RCOR2: variants seen among roughly 807,000 people sequenced by gnomAD.
The protein encoded by RCOR2 is REST corepressor 2.
Under a neutral mutation model 58.9 loss-of-function variants are expected in RCOR2, and 19 were observed. The observed-to-expected ratio is 0.32, with a 90% CI of 0.23 to 0.47. The LOEUF is 0.47. Among genes scored for constraint, RCOR2 ranks in the 20% least tolerant of loss-of-function variants. The pLI, the probability that RCOR2 is intolerant of heterozygous loss-of-function variation, is 1.00. For synonymous variants in RCOR2, 286 were observed against 278.7 expected, an observed-to-expected ratio of 1.03 and a Z score of -0.26; for missense variants, 590 against 707.9, an observed-to-expected ratio of 0.83 and a Z score of 1.89.
At chr11:63,925,800 C>CAAAAA in the RCOR2 span, among the ~76,000 whole-genome samples, 1 of 134,352 alleles carries the variant, frequency 7.4e-6, no homozygotes. Context: ...GACCCTGTCT[C>CAAAAA]AAAAAAAAAA....
chr11:63,915,897 G>T (rs958419083), intron 1 of RCOR2, among the ~76,000 whole-genome samples: 2 of 152,188 alleles, frequency 1.3e-5, no homozygotes, highest in Admixed American at 1.3e-4. Flanking sequence ...CGGGGGAGGG[G>T]AGCGGGGTTG....
At position 63,915,624 on chromosome 11, in the gene RCOR2, G is replaced by T. The variant is rs1430350824; in HGVS notation, c.128-13C>A. ...CGGATCATGCTGTCTGTGGAGCCAGGGGGAGGCAGTCAGGACTCCAGGGAG... is the reference window on the plus strand; with the variant it reads ...CGGATCATGCTGTCTGTGGAGCCAGTGGGAGGCAGTCAGGACTCCAGGGAG... On this transcript the variant is annotated splice_polypyrimidine_tract_variant and intron_variant, in intron 1 of 11. Transcript: ENST00000301459. The T allele has an allele frequency of 7.1e-6, 11 of 1,551,888 alleles. No individual in the cohort carries two copies. In the Admixed American group the frequency reaches 1.2e-4, roughly 16 times the overall value.
upstream of RCOR2, among the ~76,000 whole-genome samples, chr11:63,920,473 G>T (rs988816000): frequency 2.0e-5 from 3 of 152,220 alleles, no homozygotes; most frequent in Non-Finnish European, 4.4e-5. Flanking sequence ...AGCGAGCCTG[G>T]CCGCTGTGGT....
At chr11:63,926,385 T>C in the RCOR2 span, among the ~76,000 whole-genome samples, 1 of 152,146 alleles carries the variant, frequency 6.6e-6, no homozygotes, top group Non-Finnish European at 1.5e-5. Flanking sequence ...CAACTGGAAA[T>C]GCCCAGGATG....
chr11:63,915,766 G>A (rs1941848230), intron 1 of RCOR2, among the ~76,000 whole-genome samples, 155 bp from the exon 2 acceptor site: 1 of 152,170 alleles, frequency 6.6e-6, no homozygotes, highest in Non-Finnish European at 1.5e-5. Flanking sequence ...TTGTACCCCA[G>A]TTACCTGCAG....
the RCOR2 span, among the ~76,000 whole-genome samples, chr11:63,925,145 G>A: frequency 6.6e-6 from 1 of 151,948 alleles, no homozygotes; most frequent in Non-Finnish European, 1.5e-5. Flanking sequence ...GAGCCACTGC[G>A]CCCAGCCTCC....
the RCOR2 span, among the ~76,000 whole-genome samples, chr11:63,923,982 C>T: frequency 3.5e-4 from 53 of 152,332 alleles, no homozygotes; most frequent in Non-Finnish European, 6.6e-4. Context: ...GATCTTGGCT[C>T]ACCACAACCT....
At chr11:63,913,349 G>A (rs1941807532) in intron 8 of RCOR2, among the ~76,000 whole-genome samples, 1 of 150,576 alleles carries the variant, frequency 6.6e-6, no homozygotes, top group South Asian at 2.1e-4. Flanking sequence ...ACCACACCTG[G>A]CTAATTTTGT....
chr11:63,925,255 A>G, the RCOR2 span, among the ~76,000 whole-genome samples: 20 of 152,130 alleles, frequency 1.3e-4, no homozygotes, highest in Non-Finnish European at 2.8e-4. Context: ...ATCTCCTTCA[A>G]AATCTGGTCC....
At chr11:63,917,737 C>A (rs1035762305), upstream of RCOR2, among the ~76,000 whole-genome samples, 1 of 152,148 alleles carries the variant, frequency 6.6e-6, no homozygotes, top group African/African-American at 2.4e-5. Context: ...CCTTTAACTG[C>A]TGCAGTATGC....
rs373012221 is a variant in RCOR2 at position 63,915,547 on chromosome 11, C to T, written c.184+8G>A. 2.4e-5 allele frequency: 37 copies of T among 1,557,134 alleles called. No individual in the cohort carries two copies. The highest frequency in any genetic ancestry group is 8.1e-5 in the African/African-American group (6 of 73,732). On this transcript the variant is annotated splice_region_variant and intron_variant, in intron 2 of 11. Transcript: ENST00000301459. ...CCACCCCACTTCACAGCCTGTCCTGCGGCTCACCAGGCTTGCACTCCGGAA... is the reference window on the plus strand; with the variant it reads ...CCACCCCACTTCACAGCCTGTCCTGTGGCTCACCAGGCTTGCACTCCGGAA...
At chr11:63,916,151 G>A (rs1433520959) in intron 1 of RCOR2, among the ~76,000 whole-genome samples, 179 bp downstream of exon 1, 1 of 152,222 alleles carries the variant, frequency 6.6e-6, no homozygotes, top group Non-Finnish European at 1.5e-5. Flanking sequence ...TAGGGGCCCA[G>A]GTTCCAGATT....
At chr11:63,925,676 G>T in the RCOR2 span, among the ~76,000 whole-genome samples, 1 of 151,594 alleles carries the variant, frequency 6.6e-6, no homozygotes, top group Non-Finnish European at 1.5e-5. Context: ...AAATTAGCCA[G>T]GTGTGGTGGC....
intron 11 of RCOR2, 40 bp downstream of exon 11, chr11:63,912,265 G>T: frequency 1.3e-6 from 2 of 1,597,054 alleles, no homozygotes; most frequent in Non-Finnish European, 8.6e-7. Flanking sequence ...ACCTCGCCTC[G>T]CCTCTCCTCT....
intron 1 of RCOR2, 145 bp downstream of exon 1, chr11:63,916,185 G>T: frequency 1.2e-6 from 1 of 805,162 alleles, no homozygotes; most frequent in Non-Finnish European, 1.9e-6. Flanking sequence ...GCCTGGGTTT[G>T]TGGGAGAAGC....
chr11:63,927,378 T>C, the RCOR2 span, among the ~76,000 whole-genome samples: 1 of 152,044 alleles, frequency 6.6e-6, no homozygotes, highest in Non-Finnish European at 1.5e-5. Context: ...CAAGCATTCC[T>C]CTCACCTCAG....
At chr11:63,914,598 G>A (rs1400360612) in intron 5 of RCOR2, 57 bp from the exon 6 acceptor site, 14 of 1,610,536 alleles carry the variant, frequency 8.7e-6, no homozygotes, top group African/African-American at 1.3e-5. Flanking sequence ...CCCCAGGTAA[G>A]CTCTTCAGAA....
chr11:63,920,471 T>C (rs1372971024), upstream of RCOR2, among the ~76,000 whole-genome samples: 52 of 152,182 alleles, frequency 3.4e-4, 1 homozygote, highest in Non-Finnish European at 8.8e-5. Flanking sequence ...CCAGCGAGCC[T>C]GGCCGCTGTG....
the RCOR2 span, among the ~76,000 whole-genome samples, chr11:63,927,089 C>A: frequency 6.6e-6 from 1 of 152,134 alleles, no homozygotes; most frequent in Non-Finnish European, 1.5e-5. Context: ...GATCCACCCA[C>A]CTTGGCCTCC....
Sources: allele counts gnomAD v4.1 joint callset (sites outside exome capture counted in the v4.1 genomes callset), GRCh38; gene constraint gnomAD v4.1.1; transcripts MANE v1.5; gene names NCBI Gene and HGNC (gene_info 2026-07-23, HGNC 2026-07-21).